Variants in IFT43 observed in about 807,000 individuals in gnomAD.
IFT43 encodes intraflagellar transport 43.
Under a neutral mutation model 32.3 loss-of-function variants are expected in IFT43, and 33 were observed. That is an observed-to-expected ratio of 1.02 (90% CI 0.77 to 1.37). The LOEUF (loss-of-function observed/expected upper bound fraction) is 1.37, where lower values mean the gene tolerates loss of function less well. Among genes scored for constraint, IFT43 ranks in the 40% most tolerant of loss-of-function variants. The pLI, the probability that IFT43 is intolerant of heterozygous loss-of-function variation, is 0.00. For missense variants in IFT43, 274 were observed against 265.9 expected, an observed-to-expected ratio of 1.03 and a Z score of -0.21; for synonymous variants, 93 against 98.2, an observed-to-expected ratio of 0.95 and a Z score of 0.31.
At chr14:76,002,806 T>A (rs575257818) in intron 2 of IFT43, among the ~76,000 whole-genome samples, 1 of 152,332 alleles carries the variant, frequency 6.6e-6, no homozygotes, top group South Asian at 2.1e-4. Context: ...AGGAGTATTG[T>A]CTTGGGACTT....
At chr14:76,026,741 C>G (rs1028776940) in intron 3 of IFT43, among the ~76,000 whole-genome samples, 3 of 151,286 alleles carry the variant, frequency 2.0e-5, no homozygotes, top group Non-Finnish European at 3.0e-5. Flanking sequence ...GGGTATATAC[C>G]CAAAATAATA....
At chr14:76,061,740 T>C (rs928131308) in intron 5 of IFT43, among the ~76,000 whole-genome samples, 1 of 152,216 alleles carries the variant, frequency 6.6e-6, no homozygotes, top group Non-Finnish European at 1.5e-5. Flanking sequence ...TTATATAGAC[T>C]GAGTATCCCT....
At chr14:76,083,161 G>A (rs1310044623) in intron 7 of IFT43, 66 bp from the exon 8 acceptor site, 4 of 1,579,464 alleles carry the variant, frequency 2.5e-6, no homozygotes, top group South Asian at 1.1e-5. Flanking sequence ...TCCCGGTTTT[G>A]TGAGAAAGAG....
At chr14:75,999,267 A>ATATG (rs1555362930) in intron 2 of IFT43, among the ~76,000 whole-genome samples, 2 of 24,492 alleles carry the variant, frequency 8.2e-5, no homozygotes, top group Non-Finnish European at 1.3e-4. Flanking sequence ...ATATATATAT[A>ATATG]TATATGTATA....
In IFT43 at chr14:76,007,240, T is replaced by C. The variant is rs1003007296; in HGVS notation, c.148-15087T>C. Among the ~76,000 whole-genome samples the C allele has an allele frequency of 5.3e-5, 8 of 152,128 alleles. No individual in the cohort carries two copies. In the East Asian group the frequency reaches 5.8e-4, roughly 11 times the overall value. ...TAGCCATGACCTTGCTCTGTACTTA[T>C]AGTGTCTTCTCCTTGGGCTCCCACA... On this transcript the variant is annotated intron_variant, in intron 2 of 8. Coordinates refer to ENST00000314067, the MANE Select transcript of IFT43 (RefSeq NM_001102564.3).
At chr14:76,034,511 C>G (rs1231385182) in intron 3 of IFT43, among the ~76,000 whole-genome samples, 2 of 152,198 alleles carry the variant, frequency 1.3e-5, no homozygotes, top group Non-Finnish European at 2.9e-5. Context: ...TACACCAACT[C>G]TGTTGGGTAG....
At chr14:76,011,998 G>A (rs2036094649) in intron 2 of IFT43, among the ~76,000 whole-genome samples, 2 of 152,222 alleles carry the variant, frequency 1.3e-5, no homozygotes, top group African/African-American at 4.8e-5. Context: ...AGAAAGGGAA[G>A]TTTGTTTTTA....
At chr14:76,014,446 C>T (rs1007974680) in intron 2 of IFT43, among the ~76,000 whole-genome samples, 1 of 152,204 alleles carries the variant, frequency 6.6e-6, no homozygotes, top group Non-Finnish European at 1.5e-5. Flanking sequence ...TTAAGGCCTG[C>T]ATTGTAGAGT....
intron 2 of IFT43, among the ~76,000 whole-genome samples, chr14:75,999,269 A>AATATTCATTTATATATAAATTCATTT (rs2035831094): frequency 4.1e-5 from 1 of 24,244 alleles, no homozygotes; most frequent in Non-Finnish European, 6.5e-5. Flanking sequence ...ATATATATAT[A>AATATTCATTTATATATAAATTCATTT]TATGTATATA....
At chr14:75,986,011 C>T (rs2035516462) in intron 1 of IFT43, 171 bp downstream of exon 1, 3 of 1,526,376 alleles carry the variant, frequency 2.0e-6, no homozygotes, top group Middle Eastern at 1.9e-4. Flanking sequence ...CTGTGGGCTC[C>T]GCCGCTGCTG....
At chr14:76,039,716 T>G (rs1387245828) in intron 3 of IFT43, among the ~76,000 whole-genome samples, 1 of 152,176 alleles carries the variant, frequency 6.6e-6, no homozygotes, top group Admixed American at 6.6e-5. Flanking sequence ...GAGTGGGATA[T>G]GAAACCTGAG....
Position 76,019,892 on chromosome 14 carries a change from G to A in IFT43, c.148-2435G>A, listed in dbSNP as rs886335208. 6.6e-5 allele frequency among the ~76,000 whole-genome samples: 10 copies of A among 151,478 alleles called. No individual in the cohort carries two copies. The South Asian group carries it at 1.0e-3, about 16-fold the overall frequency. ...TCTTTCATTGACTTCTTCAGTTCCA[G>A]GATTTCTATTTGGTTCTTTTTTATG... On this transcript the variant is annotated intron_variant, in intron 2 of 8. Transcript: ENST00000314067.
At chr14:76,045,363 G>A (rs11628442) in intron 3 of IFT43, among the ~76,000 whole-genome samples, 22,774 of 152,194 alleles carry the variant, frequency 0.15, 1,781 homozygotes, top group Middle Eastern at 0.19. Flanking sequence ...AACCATATAT[G>A]AAGGTTAACT....
chr14:76,068,493 C>T (rs1432097324), intron 5 of IFT43, among the ~76,000 whole-genome samples: 4 of 152,196 alleles, frequency 2.6e-5, no homozygotes, highest in Non-Finnish European at 5.9e-5. Flanking sequence ...CACAATGCTT[C>T]AGGGAAGTGG....
chr14:76,055,312 C>T (rs895425369), intron 3 of IFT43, among the ~76,000 whole-genome samples: 4 of 150,764 alleles, frequency 2.7e-5, no homozygotes, highest in Non-Finnish European at 4.4e-5. Context: ...CAACACTGCA[C>T]TCCACTCTGG....
At chr14:76,071,580 G>T (rs534223148) in intron 5 of IFT43, among the ~76,000 whole-genome samples, 66 of 152,210 alleles carry the variant, frequency 4.3e-4, no homozygotes, top group Admixed American at 7.2e-4. Context: ...TTTCAGAGGT[G>T]GGAAGAGATG....
intron 5 of IFT43, among the ~76,000 whole-genome samples, chr14:76,076,324 T>C (rs2037411538): frequency 1.3e-5 from 2 of 152,218 alleles, no homozygotes; most frequent in South Asian, 2.1e-4. Context: ...AGACTTTATG[T>C]AGTTCTCTAG....
At position 76,080,279 on chromosome 14, in the gene IFT43, A is replaced by G. The variant is rs537215088; in HGVS notation, c.296-2016A>G. On this transcript the variant is annotated intron_variant, in intron 5 of 8. Coordinates refer to ENST00000314067, the MANE Select transcript of IFT43 (RefSeq NM_001102564.3). ...ATCCCACTGTGTGGCCAGCCCCACC[A>G]GCGCCGCTCTGAGCAGCCCCTTTGC... is the stretch of plus-strand genomic sequence containing the variant. Among the ~76,000 whole-genome samples, 5 of 152,262 alleles carry G rather than the reference A, an allele frequency of 3.3e-5. 1 individual carries two copies. The South Asian group carries it at 1.0e-3, about 32-fold the overall frequency.
intron 3 of IFT43, among the ~76,000 whole-genome samples, chr14:76,045,286 G>A (rs900380699): frequency 2.0e-5 from 3 of 152,164 alleles, no homozygotes; most frequent in Non-Finnish European, 4.4e-5. Flanking sequence ...CTGGCAATGT[G>A]TCTCATTCGC....
Sources: allele counts gnomAD v4.1 joint callset (sites outside exome capture counted in the v4.1 genomes callset), GRCh38; gene constraint gnomAD v4.1.1; transcripts MANE v1.5; gene names NCBI Gene and HGNC (gene_info 2026-07-23, HGNC 2026-07-21).